Variants in ATP8A1 observed in about 807,000 individuals in gnomAD.
ATP8A1 encodes the protein phospholipid-transporting ATPase IA.
A neutral mutation model predicts 177.7 loss-of-function variants in ATP8A1; 90 were observed. The observed-to-expected ratio is 0.51, with a 90% CI of 0.43 to 0.60. ATP8A1 has a LOEUF of 0.60. Among genes scored for constraint, ATP8A1 ranks in the 20% least tolerant of loss-of-function variants. The pLI is 0.00. For synonymous variants in ATP8A1, 493 were observed against 485.9 expected, an observed-to-expected ratio of 1.01 and a Z score of -0.19; for missense variants, 1,072 against 1,392.8, an observed-to-expected ratio of 0.77 and a Z score of 3.67.
At chr4:42,472,151 A>G in intron 25 of ATP8A1, 1 of 635,036 alleles carries the variant, frequency 1.6e-6, no homozygotes, top group Non-Finnish European at 3.0e-6. Context: ...AAAATAAGCA[A>G]AAACATCCTA....
intron 10 of ATP8A1, among the ~76,000 whole-genome samples, chr4:42,581,207 C>A (rs1194892818): frequency 6.6e-6 from 1 of 152,016 alleles, no homozygotes; most frequent in Non-Finnish European, 1.5e-5. Flanking sequence ...GATCTCGGCT[C>A]ACTGCAAGCT....
At chr4:42,426,694 G>A (rs1028063791) in intron 33 of ATP8A1, among the ~76,000 whole-genome samples, 1 of 152,146 alleles carries the variant, frequency 6.6e-6, no homozygotes, top group Non-Finnish European at 1.5e-5. Context: ...CCAGTGATCT[G>A]TCCCATGAGC....
intron 25 of ATP8A1, among the ~76,000 whole-genome samples, chr4:42,481,532 T>C (rs1721671052): frequency 6.6e-6 from 1 of 152,328 alleles, no homozygotes; most frequent in East Asian, 1.9e-4. Context: ...GATAAAATGC[T>C]TTTATACCAA....
chr4:42,528,333 A>C (rs896705806), intron 20 of ATP8A1, among the ~76,000 whole-genome samples: 5 of 152,170 alleles, frequency 3.3e-5, no homozygotes, highest in African/African-American at 7.2e-5. Context: ...AGTAAATCAA[A>C]AACAATATCA....
At chr4:42,630,549 G>A (rs1275126846) in intron 1 of ATP8A1, among the ~76,000 whole-genome samples, 1 of 152,150 alleles carries the variant, frequency 6.6e-6, no homozygotes, top group African/African-American at 2.4e-5. Context: ...CATGCTAAAG[G>A]TGAACTTTAC....
intron 1 of ATP8A1, among the ~76,000 whole-genome samples, chr4:42,650,574 T>C (rs1429694237): frequency 6.6e-6 from 1 of 152,222 alleles, no homozygotes; most frequent in African/African-American, 2.4e-5. Context: ...TGTTACCTTT[T>C]ATGTAAATAA....
At chr4:42,542,866 C>G (rs1728552487) in intron 20 of ATP8A1, among the ~76,000 whole-genome samples, 1 of 152,094 alleles carries the variant, frequency 6.6e-6, no homozygotes, top group South Asian at 2.1e-4. Context: ...TGTGGAAGAT[C>G]TTTACAATAC....
chr4:42,467,241 C>T (rs1246900442), intron 25 of ATP8A1, among the ~76,000 whole-genome samples: 4 of 152,180 alleles, frequency 2.6e-5, no homozygotes, highest in Admixed American at 2.0e-4. Flanking sequence ...TGAGGATTTT[C>T]ATTCAATTCT....
intron 1 of ATP8A1, among the ~76,000 whole-genome samples, chr4:42,651,220 C>G (rs1055621499): frequency 1.3e-5 from 2 of 152,118 alleles, no homozygotes; most frequent in African/African-American, 2.4e-5. Flanking sequence ...TGTAAATTGC[C>G]CAGTCTCGGT....
chr4:42,611,743 C>T (rs1736398612), intron 5 of ATP8A1, among the ~76,000 whole-genome samples: 1 of 152,198 alleles, frequency 6.6e-6, no homozygotes, highest in South Asian at 2.1e-4. Context: ...AAAACTAGCT[C>T]AATCACCACA....
rs1202597132 is a variant in ATP8A1 at position 42,409,481 on chromosome 4, T to C, written c.*3435A>G. 6.6e-6 allele frequency: 1 copy of C among 152,178 alleles called. No homozygotes were observed. Among genetic ancestry groups the C allele is most frequent in the East Asian group, 1.9e-4 (1 of 5,200 alleles). 9.4% of individuals were successfully genotyped at this position (152,178 alleles called of 1,614,324 possible). A position where few individuals can be genotyped will look rare whatever the true frequency, so the allele number is the denominator to read the frequency against. On this transcript the variant is annotated 3_prime_UTR_variant, in exon 37 of 37. Coordinates refer to ENST00000381668, the MANE Select transcript of ATP8A1 (RefSeq NM_006095.2). ...ATTTATTAGGCACTGAACTGCATGA[T>C]GTTACCTTAAGTCATTTACAAAAGA...
chr4:42,451,607 T>C (rs1270092082), intron 30 of ATP8A1, among the ~76,000 whole-genome samples: 1 of 152,184 alleles, frequency 6.6e-6, no homozygotes, highest in South Asian at 2.1e-4. Context: ...AATACCAGCA[T>C]GTCTGATTAA....
At chr4:42,604,161 C>A (rs572785062) in intron 5 of ATP8A1, among the ~76,000 whole-genome samples, 1 of 152,296 alleles carries the variant, frequency 6.6e-6, no homozygotes, top group East Asian at 1.9e-4. Flanking sequence ...TTAACTTGTA[C>A]ACACACCTTG....
chr4:42,530,189 G>A (rs1470133273), intron 20 of ATP8A1, among the ~76,000 whole-genome samples: 2 of 152,208 alleles, frequency 1.3e-5, no homozygotes, highest in African/African-American at 2.4e-5. Flanking sequence ...TGGAGGTTAC[G>A]CATGGGCTCA....
intron 20 of ATP8A1, among the ~76,000 whole-genome samples, chr4:42,541,293 G>A (rs918001671): frequency 5.9e-5 from 9 of 152,076 alleles, no homozygotes; most frequent in African/African-American, 2.2e-4. Context: ...TCATATTTCA[G>A]GGAACTGGAA....
chr4:42,526,182 C>T (rs1384457173), intron 20 of ATP8A1, among the ~76,000 whole-genome samples: 2 of 151,794 alleles, frequency 1.3e-5, no homozygotes. Flanking sequence ...GCGGAAGACA[C>T]TGACGTTTAG....
chr4:42,653,383 T>C (rs1402220140), intron 1 of ATP8A1, among the ~76,000 whole-genome samples: 1 of 152,182 alleles, frequency 6.6e-6, no homozygotes, highest in Non-Finnish European at 1.5e-5. Flanking sequence ...TCCAGGGCCA[T>C]GCTTTTCCTC....
intron 1 of ATP8A1, among the ~76,000 whole-genome samples, chr4:42,634,282 A>G (rs1739053127): frequency 6.6e-6 from 1 of 152,218 alleles, no homozygotes. Context: ...AAAGCCCAAG[A>G]CATGAAAGAA....
At chr4:42,629,171 G>T (rs1051934587) in intron 1 of ATP8A1, among the ~76,000 whole-genome samples, 5 of 152,178 alleles carry the variant, frequency 3.3e-5, no homozygotes, top group African/African-American at 1.2e-4. Context: ...CCTTATGTGG[G>T]AATCAGAGTA....
Sources: allele counts gnomAD v4.1 joint callset (sites outside exome capture counted in the v4.1 genomes callset), GRCh38; gene constraint gnomAD v4.1.1; transcripts MANE v1.5; gene names NCBI Gene and HGNC (gene_info 2026-07-23, HGNC 2026-07-21).